The following KLHL6 variants were observed in gnomAD, a reference collection of about 807,000 sequenced individuals.
KLHL6 encodes the protein kelch like family member 6, also known as kelch-like protein 6.
In KLHL6, 41 loss-of-function variants were observed where a neutral mutation model predicts 58.6. The ratio of observed to expected loss-of-function variants is 0.70; its 90% confidence interval spans 0.55 to 0.91. The LOEUF is 0.91. Ranked by LOEUF, KLHL6 falls within the 40% of genes least tolerant of loss-of-function variation. The probability of loss-of-function intolerance (pLI) is 0.00; values close to 1 mark genes in which losing one functional copy is unlikely to be tolerated. For missense variants in KLHL6, 714 were observed against 805.6 expected (o/e 0.89, Z 1.38); for synonymous variants, 338 against 322.7 (o/e 1.05, Z -0.51).
intron 1 of KLHL6, among the ~76,000 whole-genome samples, chr3:183,548,100 C>T (rs560661685): frequency 6.6e-6 from 1 of 152,284 alleles, no homozygotes; most frequent in East Asian, 1.9e-4. Flanking sequence ...CTTAGGACAT[C>T]AGTCTGGATC....
intron 2 of KLHL6, among the ~76,000 whole-genome samples, chr3:183,525,269 A>AAAACACACACACACACACACAC (rs55871319): frequency 6.7e-5 from 9 of 133,868 alleles, no homozygotes; most frequent in African/African-American, 2.5e-4. Flanking sequence ...CTAAAAAAAA[A>AAAACACACACACACACACACAC]ACACACACAC....
At chr3:183,540,075 C>A (rs1279397439) in intron 1 of KLHL6, among the ~76,000 whole-genome samples, 2 of 152,208 alleles carry the variant, frequency 1.3e-5, no homozygotes, top group Non-Finnish European at 2.9e-5. Flanking sequence ...GTACTCAGAT[C>A]TTCCGTTGGG....
chr3:183,509,062 A>G (rs1160691631), intron 2 of KLHL6, among the ~76,000 whole-genome samples: 3 of 152,230 alleles, frequency 2.0e-5, no homozygotes, highest in African/African-American at 7.2e-5. Context: ...CTACTGAACA[A>G]CTTGTTCAGT....
Position 183,492,895 on chromosome 3 carries a change from C to G in KLHL6, c.1351-188G>C. The G allele has an allele frequency of 1.7e-6, 1 of 580,902 alleles. No individual in the cohort carries two copies. Among genetic ancestry groups the G allele is most frequent in the Non-Finnish European group, 3.1e-6 (1 of 326,092 alleles). The allele number at this position is 580,902 out of a possible 1,614,324, so 36.0% of individuals were successfully genotyped here. A position where few individuals can be genotyped will look rare whatever the true frequency, so the allele number is the denominator to read the frequency against. ...TGAAAGCATGCATTTCCCACCCTCC[C>G]TCCAGGCTCCACGCAAGCTAGAGCA... is the stretch of plus-strand genomic sequence containing the variant. On this transcript the variant is annotated intron_variant, in intron 5 of 6. Coordinates refer to ENST00000341319, the MANE Select transcript of KLHL6 (RefSeq NM_130446.4). The surrounding 1 kb of genome is among the most constrained non-coding windows in gnomAD (Gnocchi z 5.9).
intron 1 of KLHL6, among the ~76,000 whole-genome samples, chr3:183,537,553 A>C (rs1245633830): frequency 6.6e-6 from 1 of 152,218 alleles, no homozygotes; most frequent in Non-Finnish European, 1.5e-5. Flanking sequence ...CAGTTGCCCA[A>C]CACTTGGGCG....
At chr3:183,546,533 C>T (rs1232713577) in intron 1 of KLHL6, among the ~76,000 whole-genome samples, 2 of 152,158 alleles carry the variant, frequency 1.3e-5, no homozygotes, top group African/African-American at 2.4e-5. Context: ...CTTCGGGCTG[C>T]GGTCCTGGCC....
chr3:183,497,496 A>C (rs2108665275), intron 4 of KLHL6, among the ~76,000 whole-genome samples: 1 of 152,356 alleles, frequency 6.6e-6, no homozygotes, highest in Middle Eastern at 3.4e-3. Flanking sequence ...CCTCCTGGGC[A>C]CACAGCTAAA....
chr3:183,555,605 C>G lies in KLHL6; in HGVS notation c.49G>C (p.Glu17Gln). The change falls in exon 1 of 7, where the codon GAG becomes CAG. Residue 17 changes from glutamate to glutamine, a missense_variant. By Grantham distance (29) the Glu-to-Gln change is conservative (BLOSUM62 2). Coordinates refer to ENST00000341319, the MANE Select transcript of KLHL6 (RefSeq NM_130446.4). Reference sequence around the variant, plus strand: ...GCCAGGGGCCCTTCCAAACTCTTCTCGACCACATCACCCATGGTCCAGGCG... The same window carrying G: ...GCCAGGGGCCCTTCCAAACTCTTCTGGACCACATCACCCATGGTCCAGGCG... ...RGAWTMGDVV[E>Q]KSLEGPLAPS... The G allele has an allele frequency of 6.2e-7, 1 of 1,613,352 alleles. No homozygotes were observed. Among genetic ancestry groups the G allele is most frequent in the Non-Finnish European group, 8.5e-7 (1 of 1,179,726 alleles).
At position 183,499,569 on chromosome 3, in the gene KLHL6, CT is replaced by C. The variant is rs749681662; in HGVS notation, c.1147+20del. On this transcript the variant is annotated intron_variant, in intron 4 of 6. Coordinates refer to ENST00000341319, the MANE Select transcript of KLHL6 (RefSeq NM_130446.4). This position sits in a 1 kb window ranked among gnomAD's most constrained non-coding sequence, Gnocchi z 4.6. ...GTAGTGCTACTGGAGCTTGCTTTGC[CT>C]TTACATGACTCCTGCTTACCTGAGA... The C allele has an allele frequency of 1.9e-5, 29 of 1,538,896 alleles. No homozygotes were observed. The African/African-American group carries it at 3.7e-4, about 20-fold the overall frequency.
intron 2 of KLHL6, among the ~76,000 whole-genome samples, chr3:183,522,090 C>T (rs1711782935): frequency 4.0e-5 from 6 of 151,474 alleles, no homozygotes; most frequent in Admixed American, 3.9e-4. Flanking sequence ...CTTTGGGAGG[C>T]CAAGCCAGGT....
At position 183,546,600 on chromosome 3, in the gene KLHL6, T is replaced by C. The variant is rs1712726642; in HGVS notation, c.293+8761A>G. 6.6e-5 allele frequency among the ~76,000 whole-genome samples: 10 copies of C among 152,360 alleles called. No individual in the cohort carries two copies. In the South Asian group the frequency reaches 1.9e-3, roughly 28 times the overall value. On this transcript the variant is annotated intron_variant, in intron 1 of 6. Coordinates refer to ENST00000341319, the MANE Select transcript of KLHL6 (RefSeq NM_130446.4). ...TCTGGGTTTGGTTCTCCAAACTTCTTTGGGGATTTTATGAGTTCCTACTAT... is the reference window on the plus strand; with the variant it reads ...TCTGGGTTTGGTTCTCCAAACTTCTCTGGGGATTTTATGAGTTCCTACTAT...
chr3:183,530,498 A>C (rs1490117804), intron 1 of KLHL6, among the ~76,000 whole-genome samples: 1 of 152,222 alleles, frequency 6.6e-6, no homozygotes, highest in Non-Finnish European at 1.5e-5. Flanking sequence ...AGCATGGAAG[A>C]AGCAGCTTTG....
chr3:183,499,278 G>A lies in KLHL6; in HGVS notation c.1147+312C>T, dbSNP rs1298609712. ...GGAGGGTCACTTGAACTCGGGAGGC[G>A]GAGGTTGCAGCTAGCCAAGATTGCG... On this transcript the variant is annotated intron_variant, in intron 4 of 6. Coordinates refer to ENST00000341319, the MANE Select transcript of KLHL6 (RefSeq NM_130446.4). The surrounding 1 kb of genome is among the most constrained non-coding windows in gnomAD (Gnocchi z 4.6). Among the ~76,000 whole-genome samples, 4 of 152,044 alleles carry A rather than the reference G, an allele frequency of 2.6e-5. No individual in the cohort carries two copies. The highest frequency in any genetic ancestry group is 1.9e-4 in the East Asian group (1 of 5,194).
intron 2 of KLHL6, among the ~76,000 whole-genome samples, chr3:183,518,089 C>T (rs964236511): frequency 1.1e-4 from 16 of 152,328 alleles, no homozygotes; most frequent in Middle Eastern, 3.4e-3. Context: ...ATGTCCCCTC[C>T]TTTCTGCCCT....
chr3:183,513,123 C>T (rs947267493), intron 2 of KLHL6, among the ~76,000 whole-genome samples: 10 of 151,868 alleles, frequency 6.6e-5, no homozygotes, highest in East Asian at 3.9e-4. Context: ...GGAAAAAATA[C>T]GTAAAATAAA....
rs79762338 is a variant in KLHL6, at chr3:183,506,977, T to C, written c.909+1082A>G. ...GAAAAGCATTTGAACAACATTCAGA[T>C]TGACCTGGAGGCAGAAAAAGCACAT... is the stretch of plus-strand genomic sequence containing the variant. On this transcript the variant is annotated intron_variant, in intron 3 of 6. Transcript: ENST00000341319. Among the ~76,000 whole-genome samples, 2,181 of 152,282 alleles carry C rather than the reference T, an allele frequency of 0.014. 122 individuals carry two copies. In the East Asian group the frequency reaches 0.19, roughly 13 times the overall value.
intron 1 of KLHL6, among the ~76,000 whole-genome samples, chr3:183,535,394 T>G (rs1712333007): frequency 6.6e-6 from 1 of 152,158 alleles, no homozygotes. Context: ...AGACCTACAG[T>G]CATCTCAGGA....
Position 183,492,220 on chromosome 3 carries a change from T to C in KLHL6, c.1573A>G (p.Met525Val). 1 of 1,597,780 alleles carries C rather than the reference T, an allele frequency of 6.3e-7. No homozygotes were observed. ...RDRIYVVGGA[M>V]RALYAYSPLE... ...GGGCTGTAGGCGTACAGCGCTCTCA[T>C]GGCCCCACCTGAGGAGAGGGAGGAA... is the stretch of plus-strand genomic sequence containing the variant. Residue 525 changes from methionine to valine, a missense_variant, in exon 7 of 7, where the codon ATG becomes GTG. By Grantham distance (21) the Met-to-Val change is conservative (BLOSUM62 1). Coordinates refer to ENST00000341319, the MANE Select transcript of KLHL6 (RefSeq NM_130446.4). The surrounding 1 kb of genome is among the most constrained non-coding windows in gnomAD (Gnocchi z 5.9).
chr3:183,533,135 T>C (rs1050673271), intron 1 of KLHL6, among the ~76,000 whole-genome samples: 1 of 152,156 alleles, frequency 6.6e-6, no homozygotes, highest in African/African-American at 2.4e-5. Flanking sequence ...GGAGCTCTGG[T>C]GATGTAATTC....
Sources: gnomAD v4.1 joint callset for allele counts (sites outside exome capture counted in the v4.1 genomes callset) on GRCh38, gnomAD v4.1.1 for gene constraint, Gnocchi (gnomAD v3.1) non-coding constraint, MANE v1.5 for transcripts, NCBI Gene and HGNC (gene_info 2026-07-23, HGNC 2026-07-21) for gene names.